The following ARHGAP23 variants were observed in gnomAD, a reference collection of about 807,000 sequenced individuals.
The protein encoded by ARHGAP23 is rho GTPase-activating protein 23.
A neutral mutation model predicts 136.3 loss-of-function variants in ARHGAP23; 34 were observed. The observed-to-expected ratio is 0.25, with a 90% CI of 0.19 to 0.33. The LOEUF (loss-of-function observed/expected upper bound fraction) is 0.33. Ranked by LOEUF, ARHGAP23 falls within the 10% of genes least tolerant of loss-of-function variation. ARHGAP23 has a pLI of 1.00. For synonymous variants in ARHGAP23, 832 were observed against 920.5 expected, an observed-to-expected ratio of 0.90 and a Z score of 1.74; for missense variants, 1,808 against 2,139.0, an observed-to-expected ratio of 0.85 and a Z score of 3.05.
intron 11 of ARHGAP23, among the ~76,000 whole-genome samples, chr17:38,475,597 C>T (rs939637686): frequency 3.3e-5 from 5 of 152,210 alleles, no homozygotes; most frequent in Admixed American, 3.3e-4. Flanking sequence ...GAGCTGAGGC[C>T]TGTGCTGGAT....
intron 20 of ARHGAP23, among the ~76,000 whole-genome samples, chr17:38,494,986 C>T (rs1319895004): frequency 3.3e-5 from 5 of 152,318 alleles, no homozygotes; most frequent in South Asian, 2.1e-4. Context: ...TTCCCCTGGT[C>T]AGCCTGTCTC....
At chr17:38,455,298 G>A (rs1008276804) in intron 1 of ARHGAP23, among the ~76,000 whole-genome samples, 1 of 152,226 alleles carries the variant, frequency 6.6e-6, no homozygotes, top group Non-Finnish European at 1.5e-5. Flanking sequence ...TCAAGCAGGT[G>A]TGTGGTAGCT....
intron 1 of ARHGAP23, among the ~76,000 whole-genome samples, chr17:38,435,279 G>A (rs2038769809): frequency 6.9e-6 from 1 of 144,548 alleles, no homozygotes; most frequent in South Asian, 2.1e-4. Context: ...TTGCTTGAGA[G>A]GATGGATGCC....
intron 1 of ARHGAP23, among the ~76,000 whole-genome samples, chr17:38,434,199 T>C (rs1337775929): frequency 1.3e-5 from 2 of 152,128 alleles, no homozygotes; most frequent in Non-Finnish European, 2.9e-5. Context: ...AGTAATTCCC[T>C]GTCCCGCCAA....
chr17:38,484,344 G>A (rs1478881097), intron 16 of ARHGAP23, among the ~76,000 whole-genome samples: 2 of 152,100 alleles, frequency 1.3e-5, no homozygotes, highest in African/African-American at 2.4e-5. Flanking sequence ...CGGAAGGGAG[G>A]GGCCGTCTCA....
intron 2 of ARHGAP23, among the ~76,000 whole-genome samples, 192 bp downstream of exon 2, chr17:38,458,455 A>G (rs60712541): frequency 0.048 from 7,355 of 152,116 alleles, 637 homozygotes; most frequent in African/African-American, 0.17. Context: ...TGGCTGGGTT[A>G]TTTGTACTGT....
chr17:38,511,289 C>A lies in ARHGAP23; in HGVS notation c.*317C>A, dbSNP rs894402951. 1 of 331,358 alleles carries A rather than the reference C, an allele frequency of 3.0e-6. No homozygotes were observed. The highest frequency in any genetic ancestry group is 2.1e-5 in the African/African-American group (1 of 46,690). The allele number at this position is 331,358 out of a possible 1,614,324, so 20.5% of individuals were successfully genotyped here. On this transcript the variant is annotated 3_prime_UTR_variant, in exon 24 of 24. Transcript: ENST00000622683. Reference sequence around the variant, plus strand: ...GCCTTTCTGTGGCTGCACTTGGGGACCCTTGTGGACCATGGGGTGTGGCTA... The same window carrying A: ...GCCTTTCTGTGGCTGCACTTGGGGAACCTTGTGGACCATGGGGTGTGGCTA...
Position 38,479,514 on chromosome 17 carries a change from G to C in ARHGAP23, c.2498+17G>C, listed in dbSNP as rs538796542. On this transcript the variant is annotated intron_variant, in intron 13 of 23. Transcript: ENST00000622683. ...CAAAGTGAGGTGAGGCCCAGCCCTC[G>C]TGGAGCAGTCTCCTCTGTGGGGGTG... is the stretch of plus-strand genomic sequence containing the variant. 49 of 1,546,818 alleles carry C rather than the reference G, an allele frequency of 3.2e-5. No individual in the cohort carries two copies. Among genetic ancestry groups the C allele is most frequent in the Non-Finnish European group, 4.1e-5 (47 of 1,144,500 alleles).
chr17:38,454,375 C>T (rs750674572), intron 1 of ARHGAP23, among the ~76,000 whole-genome samples: 6 of 152,114 alleles, frequency 3.9e-5, no homozygotes, highest in Non-Finnish European at 8.8e-5. Flanking sequence ...TGGGTCGAGG[C>T]CTCCACGGGG....
chr17:38,461,544 C>T (rs2144622179), intron 3 of ARHGAP23, among the ~76,000 whole-genome samples: 1 of 152,384 alleles, frequency 6.6e-6, no homozygotes, highest in African/African-American at 2.4e-5. Flanking sequence ...ATAGGACACT[C>T]CTGCATCCCC....
Position 38,510,298 on chromosome 17 carries a change from C to A in ARHGAP23, c.3802C>A (p.Arg1268=). 7.8e-7 allele frequency: 1 copy of A among 1,279,754 alleles called. No individual in the cohort carries two copies. The highest frequency in any genetic ancestry group is 2.7e-5 in the South Asian group (1 of 36,918). 79.3% of individuals were successfully genotyped at this position (1,279,754 alleles called of 1,614,324 possible). The change falls in exon 24 of 24, where the codon CGG becomes AGG. Residue 1268 remains arginine, a synonymous_variant. Coordinates refer to ENST00000622683, the MANE Select transcript of ARHGAP23 (RefSeq NM_001199417.2). The surrounding 1 kb of genome is among the most constrained non-coding windows in gnomAD (Gnocchi z 4.6). ...RSVCSGASGR[R]AGAGDEADDE... is the part of the protein sequence containing the mutation. ...CGTGTGCTCGGGCGCTAGCGGTCGG[C>A]GGGCAGGGGCGGGGGATGAGGCGGA...
upstream of ARHGAP23, among the ~76,000 whole-genome samples, chr17:38,428,089 T>C (rs962782587): frequency 2.0e-5 from 3 of 152,136 alleles, no homozygotes; most frequent in Admixed American, 2.0e-4. Flanking sequence ...TTTGCTTCCC[T>C]CTCCCTCCCT....
chr17:38,467,356 C>G (rs879257839), intron 7 of ARHGAP23, 25 bp downstream of exon 7: 1 of 1,456,758 alleles, frequency 6.9e-7, no homozygotes, highest in Non-Finnish European at 9.1e-7. Flanking sequence ...ATGTGGCTGT[C>G]CTGGGGGACT....
At chr17:38,491,641 G>A (rs1325506673) in intron 20 of ARHGAP23, 109 bp downstream of exon 20, 24 of 1,440,496 alleles carry the variant, frequency 1.7e-5, no homozygotes, top group South Asian at 7.9e-5. Flanking sequence ...GGAAGGGCTC[G>A]GCAGCTTTAG....
intron 17 of ARHGAP23, chr17:38,489,895 G>T: frequency 3.4e-6 from 2 of 591,020 alleles, no homozygotes; most frequent in Non-Finnish European, 3.1e-6. Context: ...CCCAGGTCAG[G>T]TGCACACCCG....
chr17:38,493,210 TTG>T, intron 20 of ARHGAP23, among the ~76,000 whole-genome samples: 1 of 60,140 alleles, frequency 1.7e-5, no homozygotes, highest in African/African-American at 3.4e-5. Flanking sequence ...TTTTGTTTTT[TTG>T]TTTTTTTTTT....
At chr17:38,453,929 A>T (rs1289868751) in intron 1 of ARHGAP23, 1 of 145,214 alleles carries the variant, frequency 6.9e-6, no homozygotes, top group South Asian at 2.1e-4. Context: ...CCTGGGGCGT[A>T]CTGGGGCCGG....
intron 20 of ARHGAP23, 62 bp downstream of exon 20, chr17:38,491,594 C>T: frequency 6.5e-7 from 1 of 1,544,734 alleles, no homozygotes; most frequent in Non-Finnish European, 8.7e-7. Context: ...TTCCTCTGAG[C>T]CCCTCGCTCT....
At position 38,460,950 on chromosome 17, in the gene ARHGAP23, G is replaced by A; in HGVS notation, c.253+18G>A. On this transcript the variant is annotated intron_variant, in intron 3 of 23. Coordinates refer to ENST00000622683, the MANE Select transcript of ARHGAP23 (RefSeq NM_001199417.2). ...TGGAGGAGGTAAGGGAGGACTGGCG[G>A]GCGCTGGACCTGCACGGGACTCCTC... 6.5e-7 allele frequency: 1 copy of A among 1,535,868 alleles called. No individual in the cohort carries two copies. Among genetic ancestry groups the A allele is most frequent in the Non-Finnish European group, 8.7e-7 (1 of 1,146,792 alleles).
Sources: allele counts gnomAD v4.1 joint callset (sites outside exome capture counted in the v4.1 genomes callset), GRCh38; gene constraint gnomAD v4.1.1; non-coding constraint Gnocchi (gnomAD v3.1); transcripts MANE v1.5; gene names NCBI Gene and HGNC (gene_info 2026-07-23, HGNC 2026-07-21).